TMX3: variants seen among roughly 807,000 people sequenced by gnomAD.
TMX3 encodes the protein thioredoxin related transmembrane protein 3.
TMX3 carries 40 observed loss-of-function variants against 64.4 expected under a neutral mutation model. That is an observed-to-expected ratio of 0.62 (90% CI 0.48 to 0.81). TMX3 has a LOEUF of 0.81. Ranked by LOEUF, TMX3 falls within the 30% of genes least tolerant of loss-of-function variation. The pLI is 0.00. For missense variants in TMX3, 497 were observed against 534.5 expected (o/e 0.93, Z 0.69); for synonymous variants, 189 against 175.7 (o/e 1.08, Z -0.60).
At chr18:68,683,571 T>C (rs1051995313) in intron 12 of TMX3, among the ~76,000 whole-genome samples, 1 of 152,156 alleles carries the variant, frequency 6.6e-6, no homozygotes, top group African/African-American at 2.4e-5. Flanking sequence ...CAGTCATTTA[T>C]GTCCAATTAT....
intron 8 of TMX3, among the ~76,000 whole-genome samples, chr18:68,691,918 T>C (rs184651140): frequency 1.2e-3 from 186 of 152,176 alleles, no homozygotes; most frequent in Admixed American, 2.7e-3. Flanking sequence ...AGAAAACAAA[T>C]ATCAGAAGAC....
At chr18:68,707,878 GAATA>G (rs1314172556) in intron 4 of TMX3, among the ~76,000 whole-genome samples, 40 of 152,046 alleles carry the variant, frequency 2.6e-4, no homozygotes, top group African/African-American at 9.4e-4. Flanking sequence ...GCGCATCTAT[GAATA>G]AATATGTGTA....
chr18:68,700,252 G>C (rs904759392), intron 6 of TMX3, among the ~76,000 whole-genome samples, 153 bp downstream of exon 6: 1 of 151,926 alleles, frequency 6.6e-6, no homozygotes, highest in Non-Finnish European at 1.5e-5. Flanking sequence ...CTTTGGATAC[G>C]CTGTATAATC....
At chr18:68,698,513 CTA>C (rs1256182961) in intron 6 of TMX3, among the ~76,000 whole-genome samples, 6 of 151,814 alleles carry the variant, frequency 4.0e-5, no homozygotes, top group African/African-American at 1.5e-4. Context: ...TTTAAGTACC[CTA>C]TGGAGGTTAA....
At chr18:68,693,508 G>C (rs1401267846) in intron 8 of TMX3, among the ~76,000 whole-genome samples, 2 of 151,832 alleles carry the variant, frequency 1.3e-5, no homozygotes, top group Non-Finnish European at 2.9e-5. Flanking sequence ...CGCCTGCTCT[G>C]ATTTTGAAGC....
intron 3 of TMX3, among the ~76,000 whole-genome samples, chr18:68,710,822 A>T (rs1399089901): frequency 2.0e-5 from 3 of 152,234 alleles, no homozygotes; most frequent in Non-Finnish European, 4.4e-5. Flanking sequence ...ATAATTAAAC[A>T]GTGATCTGTC....
intron 4 of TMX3, among the ~76,000 whole-genome samples, chr18:68,704,573 G>A (rs1036673676): frequency 4.2e-4 from 64 of 152,124 alleles, no homozygotes; most frequent in African/African-American, 1.4e-3. Flanking sequence ...ATTAGGTAGC[G>A]GGGCTGAGAT....
At chr18:68,680,438 T>C (rs1027484884) in intron 14 of TMX3, among the ~76,000 whole-genome samples, 2 of 152,084 alleles carry the variant, frequency 1.3e-5, no homozygotes, top group Admixed American at 6.6e-5. Context: ...AAATAGAAAA[T>C]TAAGACTATT....
chr18:68,689,031 T>C (rs961506053), intron 9 of TMX3: 1 of 152,176 alleles, frequency 6.6e-6, no homozygotes, highest in African/African-American at 2.4e-5. Context: ...CCTGCACATG[T>C]AGACTCTGAA....
chr18:68,714,497 G>A (rs1329508366), intron 1 of TMX3: 1 of 181,020 alleles, frequency 5.5e-6, no homozygotes, highest in African/African-American at 2.4e-5. Flanking sequence ...GCACAATCCC[G>A]GCGGCCTGAC....
chr18:68,712,762 A>T (rs1382525020), intron 2 of TMX3, among the ~76,000 whole-genome samples: 2 of 152,086 alleles, frequency 1.3e-5, no homozygotes, highest in African/African-American at 2.4e-5. Flanking sequence ...TCTCAGAATC[A>T]AAAACTTCCT....
intron 11 of TMX3, 70 bp downstream of exon 11, chr18:68,684,358 T>C: frequency 6.6e-7 from 1 of 1,515,528 alleles, no homozygotes; most frequent in Non-Finnish European, 9.1e-7. Context: ...AGATACCATA[T>C]CAAGTCTATC....
At chr18:68,686,261 C>T (rs938697012) in intron 10 of TMX3, among the ~76,000 whole-genome samples, 7 of 152,182 alleles carry the variant, frequency 4.6e-5, no homozygotes, top group Non-Finnish European at 5.9e-5. Context: ...CCACAGCACA[C>T]TTCTGTTTCC....
intron 10 of TMX3, chr18:68,687,225 TTG>T: frequency 1.0e-6 from 1 of 985,446 alleles, no homozygotes; most frequent in Non-Finnish European, 1.2e-6. Flanking sequence ...GTATTCGTGT[TTG>T]TGTTTGCGTT....
intron 9 of TMX3, among the ~76,000 whole-genome samples, chr18:68,690,222 A>G (rs1422200422): frequency 6.6e-6 from 1 of 152,174 alleles, no homozygotes; most frequent in Non-Finnish European, 1.5e-5. Flanking sequence ...ATTCTAGAAT[A>G]TTTCTGAATG....
intron 4 of TMX3, among the ~76,000 whole-genome samples, chr18:68,703,564 GCTT>G (rs2030341750): frequency 1.3e-5 from 2 of 151,986 alleles, no homozygotes; most frequent in Non-Finnish European, 2.9e-5. Context: ...ACATCCCTTG[GCTT>G]CTTGACAGTT....
chr18:68,690,035 C>G (rs1298408569), intron 9 of TMX3: 1 of 152,022 alleles, frequency 6.6e-6, no homozygotes, highest in East Asian at 1.9e-4. Context: ...CAATAAAAAT[C>G]AGAAATGTAG....
intron 10 of TMX3, 180 bp downstream of exon 10, chr18:68,687,487 T>A (rs998566736): frequency 1.5e-5 from 15 of 985,382 alleles, no homozygotes; most frequent in Non-Finnish European, 1.7e-5. Flanking sequence ...CTGACCCACA[T>A]GCAAAGGTAT....
intron 8 of TMX3, among the ~76,000 whole-genome samples, chr18:68,694,162 G>A (rs949186494): frequency 2.6e-5 from 4 of 152,146 alleles, no homozygotes; most frequent in African/African-American, 9.7e-5. Context: ...TGCAAACAGG[G>A]CTGAAACATA....
Sources: gnomAD v4.1 joint callset for allele counts (sites outside exome capture counted in the v4.1 genomes callset) on GRCh38, gnomAD v4.1.1 for gene constraint, MANE v1.5 for transcripts, NCBI Gene and HGNC (gene_info 2026-07-23, HGNC 2026-07-21) for gene names.